FSHR: variants seen among roughly 807,000 people sequenced by gnomAD.
FSHR encodes the protein follicle stimulating hormone receptor.
FSHR carries 46 observed loss-of-function variants against 52.1 expected under a neutral mutation model. The ratio of observed to expected loss-of-function variants is 0.88; its 90% CI spans 0.70 to 1.13. The LOEUF (loss-of-function observed/expected upper bound fraction) is 1.13. Among genes scored for constraint, FSHR ranks in the 50% most tolerant of loss-of-function variants. FSHR has a pLI of 0.00. For synonymous variants in FSHR, 399 were observed against 309.6 expected, an observed-to-expected ratio of 1.29 and a Z score of -3.03; for missense variants, 964 against 834.6, an observed-to-expected ratio of 1.16 and a Z score of -1.91.
intron 1 of FSHR, among the ~76,000 whole-genome samples, chr2:49,091,991 G>T (rs1458812837): frequency 3.9e-5 from 6 of 152,174 alleles, no homozygotes; most frequent in Non-Finnish European, 5.9e-5. Context: ...TGAATTTTCT[G>T]ATTATGAACA....
At chr2:49,110,572 C>G (rs950718781) in intron 1 of FSHR, among the ~76,000 whole-genome samples, 2 of 152,186 alleles carry the variant, frequency 1.3e-5, no homozygotes, top group Admixed American at 6.6e-5. Context: ...TCACCCTCAT[C>G]ATGTTTTCAG....
chr2:49,026,278 A>G (rs1056147504), intron 2 of FSHR, among the ~76,000 whole-genome samples: 3 of 152,242 alleles, frequency 2.0e-5, no homozygotes, highest in Non-Finnish European at 2.9e-5. Context: ...ACCTTAAGTA[A>G]TCTAAAATTT....
chr2:48,985,707 T>G (rs1409613974), intron 6 of FSHR, among the ~76,000 whole-genome samples: 1 of 135,542 alleles, frequency 7.4e-6, no homozygotes, highest in African/African-American at 2.9e-5. Flanking sequence ...GTTTTTTTTT[T>G]TTTTTTTTTT....
intron 1 of FSHR, among the ~76,000 whole-genome samples, chr2:49,073,579 A>C (rs138273952): frequency 6.6e-6 from 1 of 152,100 alleles, no homozygotes; most frequent in African/African-American, 2.4e-5. Context: ...TCCCATGTTC[A>C]TGGATCAGAA....
intron 1 of FSHR, among the ~76,000 whole-genome samples, chr2:49,129,535 C>A (rs988154763): frequency 6.6e-6 from 1 of 152,124 alleles, no homozygotes; most frequent in Non-Finnish European, 1.5e-5. Context: ...AGCAGCAGAT[C>A]CAGAGACAGA....
chr2:49,115,221 C>T (rs535582312), intron 1 of FSHR, among the ~76,000 whole-genome samples: 9 of 151,666 alleles, frequency 5.9e-5, no homozygotes, highest in African/African-American at 2.2e-4. Flanking sequence ...GAGATTGTCG[C>T]ATTTGGACAC....
At chr2:49,081,427 A>G (rs953733559) in intron 1 of FSHR, among the ~76,000 whole-genome samples, 9 of 152,344 alleles carry the variant, frequency 5.9e-5, no homozygotes, top group African/African-American at 2.2e-4. Flanking sequence ...GGCATTTATT[A>G]TAATATTCTC....
chr2:49,096,868 T>C (rs1033209400), intron 1 of FSHR, among the ~76,000 whole-genome samples: 20 of 152,160 alleles, frequency 1.3e-4, no homozygotes, highest in Non-Finnish European at 2.4e-4. Context: ...TGTCTAAAGG[T>C]GGGTGGCACC....
chr2:49,022,213 C>A (rs1261964948), intron 2 of FSHR, among the ~76,000 whole-genome samples: 1 of 152,008 alleles, frequency 6.6e-6, no homozygotes, highest in Non-Finnish European at 1.5e-5. Context: ...AGACATATGT[C>A]CTTGCCGAAG....
At chr2:49,085,406 C>G (rs980408272) in intron 1 of FSHR, among the ~76,000 whole-genome samples, 17 of 152,174 alleles carry the variant, frequency 1.1e-4, no homozygotes, top group Non-Finnish European at 1.9e-4. Flanking sequence ...TGGGCAAAAA[C>G]TGGAAGCATT....
At chr2:49,118,179 A>G (rs1223116423) in intron 1 of FSHR, among the ~76,000 whole-genome samples, 1 of 152,162 alleles carries the variant, frequency 6.6e-6, no homozygotes, top group Non-Finnish European at 1.5e-5. Context: ...GTGCCTGAGC[A>G]TTCTGCAAGA....
At chr2:48,964,068 A>ATT (rs59789081) in intron 9 of FSHR, 102 bp from the exon 10 acceptor site, 261 of 997,042 alleles carry the variant, frequency 2.6e-4, no homozygotes, top group African/African-American at 1.5e-3. Context: ...TCTTCCTGAG[A>ATT]TTTTTTTTTT....
chr2:49,069,941 G>A (rs1669669353), intron 1 of FSHR, among the ~76,000 whole-genome samples: 1 of 152,152 alleles, frequency 6.6e-6, no homozygotes, highest in Admixed American at 6.6e-5. Flanking sequence ...ATTGGTGTTA[G>A]TGAAATTTCT....
chr2:49,037,125 T>C (rs537461116), intron 2 of FSHR, among the ~76,000 whole-genome samples: 16 of 152,222 alleles, frequency 1.1e-4, no homozygotes, highest in African/African-American at 3.9e-4. Flanking sequence ...TTAGAGAAAC[T>C]GGGGAATCTA....
intron 2 of FSHR, among the ~76,000 whole-genome samples, chr2:49,063,891 G>C (rs149043862): frequency 2.2e-3 from 333 of 152,004 alleles, no homozygotes; most frequent in African/African-American, 7.1e-3. Context: ...ACCCTGATTT[G>C]ATCATTACCC....
intron 1 of FSHR, among the ~76,000 whole-genome samples, chr2:49,123,067 T>C (rs983549367): frequency 6.6e-6 from 1 of 152,106 alleles, no homozygotes; most frequent in East Asian, 1.9e-4. Flanking sequence ...TGGTTTGAGA[T>C]GAGAAACATC....
chr2:48,975,499 G>C (rs573070540), intron 8 of FSHR, among the ~76,000 whole-genome samples: 1 of 152,240 alleles, frequency 6.6e-6, no homozygotes, highest in Admixed American at 6.5e-5. Context: ...TGCTTGGACT[G>C]AGAATTAGAT....
chr2:49,027,850 CAAAAAA>C (rs397868435), intron 2 of FSHR, among the ~76,000 whole-genome samples: 1 of 49,976 alleles, frequency 2.0e-5, no homozygotes, highest in East Asian at 5.8e-4. Flanking sequence ...ACTCTTTCTC[CAAAAAA>C]AAAAAAAAAA....
chr2:49,061,976 C>T (rs2104328272), intron 2 of FSHR, among the ~76,000 whole-genome samples: 1 of 151,204 alleles, frequency 6.6e-6, no homozygotes, highest in East Asian at 1.9e-4. Context: ...GACTTCAATG[C>T]CCCACTGTCA....
Sources: allele counts gnomAD v4.1 joint callset (sites outside exome capture counted in the v4.1 genomes callset), GRCh38; gene constraint gnomAD v4.1.1; transcripts MANE v1.5; gene names NCBI Gene and HGNC (gene_info 2026-07-23, HGNC 2026-07-21).